FGF7: variants seen among roughly 807,000 people sequenced by gnomAD.
The protein encoded by FGF7 is FGF-7.
In FGF7, 6 loss-of-function variants were observed where a neutral mutation model predicts 20.5. That is an observed-to-expected ratio of 0.29 (90% CI 0.16 to 0.58). FGF7 has a LOEUF of 0.58. Among genes scored for constraint, FGF7 ranks in the 20% least tolerant of loss-of-function variants. The pLI, the probability that FGF7 is intolerant of heterozygous loss-of-function variation, is 0.90. For synonymous variants in FGF7, 64 were observed against 74.7 expected (o/e 0.86, Z 0.74); for missense variants, 144 against 228.8 (o/e 0.63, Z 2.39).
At chr15:49,467,252 A>G (rs1355450965) in intron 2 of FGF7, among the ~76,000 whole-genome samples, 1 of 152,170 alleles carries the variant, frequency 6.6e-6, no homozygotes, top group African/African-American at 2.4e-5. Flanking sequence ...GGTAGCTATG[A>G]ACAAAACGTT....
At chr15:49,471,098 G>A (rs1419949660) in intron 2 of FGF7, among the ~76,000 whole-genome samples, 1 of 152,106 alleles carries the variant, frequency 6.6e-6, no homozygotes, top group African/African-American at 2.4e-5. Context: ...GAAAAGATAA[G>A]TACTTTTAAA....
At chr15:49,450,749 T>C (rs1388362524) in intron 2 of FGF7, among the ~76,000 whole-genome samples, 2 of 145,258 alleles carry the variant, frequency 1.4e-5, no homozygotes, top group Non-Finnish European at 3.0e-5. Flanking sequence ...ACAAAACTAA[T>C]AACACTGCGT....
chr15:49,478,901 T>C (rs966048747), intron 2 of FGF7, among the ~76,000 whole-genome samples: 1 of 152,286 alleles, frequency 6.6e-6, no homozygotes, highest in African/African-American at 2.4e-5. Context: ...AGAATTAGTA[T>C]CAATTTCTGA....
At chr15:49,448,824 A>G (rs1361369967) in intron 2 of FGF7, among the ~76,000 whole-genome samples, 1 of 151,798 alleles carries the variant, frequency 6.6e-6, no homozygotes, top group African/African-American at 2.4e-5. Context: ...CTTTTCTTGA[A>G]GCTCTCCAAG....
chr15:49,450,225 A>C (rs929452812), intron 2 of FGF7, among the ~76,000 whole-genome samples: 3 of 152,110 alleles, frequency 2.0e-5, no homozygotes, highest in Non-Finnish European at 4.4e-5. Context: ...CAGAAGAATA[A>C]CAATTGAACA....
At chr15:49,457,351 T>C (rs11634375) in intron 2 of FGF7, among the ~76,000 whole-genome samples, 67,150 of 151,722 alleles carry the variant, frequency 0.44, 16,572 homozygotes, top group South Asian at 0.56. Context: ...CCATAGAAAG[T>C]GGTAATTAGA....
Position 49,484,344 on chromosome 15 carries a change from T to G in FGF7, c.425T>G (p.Leu142Arg). 1 of 1,591,080 alleles carries G rather than the reference T, an allele frequency of 6.3e-7. No individual in the cohort carries two copies. The highest frequency in any genetic ancestry group is 8.5e-7 in the Non-Finnish European group (1 of 1,176,742). The change falls in exon 4 of 4, where the codon CTA (leucine) becomes CGA (arginine). Residue 142 changes from leucine to arginine, a missense_variant. By Grantham distance (102) the Leu-to-Arg change is moderately radical. This residue lies in a region of FGF7 where 56 missense variants were observed against 125.4 expected (regional missense o/e 0.45). Transcript: ENST00000267843. ...ECNEDCNFKE[L>R]ILENHYNTYA... is the part of the protein sequence containing the mutation. ...AATGAAGATTGTAACTTCAAAGAAC[T>G]AATTCTGGAAAACCATTACAACACA...
rs542011976 is a variant in FGF7, at chr15:49,487,656, C to T, written c.*3152C>T. 1.1e-4 allele frequency: 16 copies of T among 151,898 alleles called. No homozygotes were observed. In the South Asian group the frequency reaches 2.5e-3, roughly 24 times the overall value. The allele number at this position is 151,898 out of a possible 1,614,324, so 9.4% of individuals were successfully genotyped here. A position where few individuals can be genotyped will look rare whatever the true frequency, so the allele number is the denominator to read the frequency against. ...AAAAACTCTAAAACAGTGCCCCTTA[C>T]GATTTTCTACTGAAATTTCTCTAAT... On this transcript the variant is annotated 3_prime_UTR_variant, in exon 4 of 4. Transcript: ENST00000267843.
chr15:49,463,385 T>C (rs1309780177), intron 2 of FGF7, among the ~76,000 whole-genome samples: 1 of 151,740 alleles, frequency 6.6e-6, no homozygotes, highest in East Asian at 1.9e-4. Context: ...GAAACCCCAC[T>C]TCTACTAAAA....
intron 2 of FGF7, among the ~76,000 whole-genome samples, chr15:49,454,847 G>T (rs1597306856): frequency 6.6e-6 from 1 of 152,238 alleles, no homozygotes; most frequent in African/African-American, 2.4e-5. Context: ...CTGACCTCGT[G>T]ATCCGCTCGC....
intron 2 of FGF7, among the ~76,000 whole-genome samples, chr15:49,436,725 T>C (rs933754049): frequency 1.3e-5 from 2 of 151,582 alleles, no homozygotes; most frequent in East Asian, 1.9e-4. Context: ...CTGTCAAAGT[T>C]GGGATGTGAA....
At chr15:49,425,085 T>A (rs1300467626) in intron 2 of FGF7, 1 of 152,190 alleles carries the variant, frequency 6.6e-6, no homozygotes, top group African/African-American at 2.4e-5. Flanking sequence ...CAATTGTGTA[T>A]AATGATAAAA....
chr15:49,443,821 A>G (rs940860942), intron 2 of FGF7, among the ~76,000 whole-genome samples: 7 of 151,734 alleles, frequency 4.6e-5, no homozygotes, highest in African/African-American at 1.7e-4. Flanking sequence ...TGTGAGTATT[A>G]TATTTTATTA....
chr15:49,425,401 C>A (rs888948016), intron 2 of FGF7: 2 of 151,832 alleles, frequency 1.3e-5, no homozygotes, highest in South Asian at 4.2e-4. Context: ...TGATGAATAA[C>A]CAACTTCAAT....
intron 2 of FGF7, among the ~76,000 whole-genome samples, chr15:49,472,308 C>T (rs922049077): frequency 3.3e-5 from 5 of 152,146 alleles, no homozygotes; most frequent in African/African-American, 9.7e-5. Context: ...TTTAGCTCAC[C>T]GTTCCATAAT....
intron 2 of FGF7, among the ~76,000 whole-genome samples, chr15:49,430,127 C>G (rs1261938011): frequency 6.6e-6 from 1 of 151,868 alleles, no homozygotes; most frequent in Non-Finnish European, 1.5e-5. Context: ...CTTAGTGGCT[C>G]CAACATTTGG....
At chr15:49,469,136 G>T (rs1367614199) in intron 2 of FGF7, among the ~76,000 whole-genome samples, 1 of 152,028 alleles carries the variant, frequency 6.6e-6, no homozygotes, top group Non-Finnish European at 1.5e-5. Context: ...ATAAATGTAA[G>T]ACTGAATGAA....
chr15:49,456,542 T>C (rs1469151129), intron 2 of FGF7, among the ~76,000 whole-genome samples: 2 of 152,146 alleles, frequency 1.3e-5, no homozygotes, highest in Non-Finnish European at 1.5e-5. Flanking sequence ...ACTGGATATA[T>C]ATAAAAATAA....
intron 2 of FGF7, among the ~76,000 whole-genome samples, chr15:49,455,755 C>T (rs1337404203): frequency 6.6e-6 from 1 of 152,098 alleles, no homozygotes; most frequent in Admixed American, 6.6e-5. Flanking sequence ...GAAAACAAAA[C>T]GTGCTCCACT....
Sources: allele counts gnomAD v4.1 joint callset (sites outside exome capture counted in the v4.1 genomes callset), GRCh38; gene constraint gnomAD v4.1.1; regional missense constraint gnomAD v4.1.1; transcripts MANE v1.5; gene names NCBI Gene and HGNC (gene_info 2026-07-23, HGNC 2026-07-21).